EXOC4: variants seen among roughly 807,000 people sequenced by gnomAD.
EXOC4 encodes the protein SEC8-like 1.
Under a neutral mutation model 107.2 loss-of-function variants are expected in EXOC4, and 71 were observed. The observed-to-expected ratio is 0.66, with a 90% CI of 0.55 to 0.81. The LOEUF (loss-of-function observed/expected upper bound fraction) is 0.81. EXOC4 is among the 30% of genes least tolerant of loss of function. The pLI, the probability that EXOC4 is intolerant of heterozygous loss-of-function variation, is 0.00. For synonymous variants in EXOC4, 456 were observed against 441.2 expected, an observed-to-expected ratio of 1.03 and a Z score of -0.42; for missense variants, 1,108 against 1,189.6, an observed-to-expected ratio of 0.93 and a Z score of 1.01.
At chr7:133,517,270 G>A (rs1799894958) in intron 9 of EXOC4, among the ~76,000 whole-genome samples, 1 of 152,156 alleles carries the variant, frequency 6.6e-6, no homozygotes, top group Non-Finnish European at 1.5e-5. Flanking sequence ...AATAAAGGAA[G>A]TGTGCAGGGA....
chr7:134,063,071 A>G (rs1460277674), intron 17 of EXOC4, among the ~76,000 whole-genome samples: 2 of 152,188 alleles, frequency 1.3e-5, no homozygotes, highest in Non-Finnish European at 2.9e-5. Context: ...GGAAGAAGGA[A>G]GTCCTTTATT....
At chr7:133,878,935 G>A (rs996428751) in intron 11 of EXOC4, among the ~76,000 whole-genome samples, 2 of 152,040 alleles carry the variant, frequency 1.3e-5, no homozygotes, top group African/African-American at 4.8e-5. Context: ...ATGTTGGCCA[G>A]GCTGGTCTCA....
intron 5 of EXOC4, among the ~76,000 whole-genome samples, chr7:133,326,584 G>T (rs2150596300): frequency 6.6e-6 from 1 of 152,284 alleles, no homozygotes; most frequent in East Asian, 1.9e-4. Flanking sequence ...GTCTCAGAGG[G>T]GCAGCCGGCT....
chr7:133,910,281 T>C (rs906640120), intron 12 of EXOC4, among the ~76,000 whole-genome samples: 4 of 152,208 alleles, frequency 2.6e-5, no homozygotes, highest in Admixed American at 2.6e-4. Flanking sequence ...ATTTTTTTCT[T>C]CTTGATCTTT....
chr7:133,712,544 G>A (rs921804695), intron 10 of EXOC4, among the ~76,000 whole-genome samples: 7 of 149,952 alleles, frequency 4.7e-5, no homozygotes, highest in Non-Finnish European at 7.4e-5. Flanking sequence ...AGGTTTGGCC[G>A]TGCCTCAAAA....
chr7:134,073,205 C>CAAAAAAAAAAA, the EXOC4 span, among the ~76,000 whole-genome samples: 66 of 22,588 alleles, frequency 2.9e-3, 7 homozygotes, highest in Admixed American at 7.0e-3. Context: ...GACTTCCTCT[C>CAAAAAAAAAAA]AAAAAAAAAA....
rs532692119 is a variant in EXOC4 at position 133,594,493 on chromosome 7, C to CTTTTTTTTTTTTTTTTTT, written c.1418-35549_1418-35532dup. On this transcript the variant is annotated intron_variant, in intron 9 of 17. Coordinates refer to ENST00000253861, the MANE Select transcript of EXOC4 (RefSeq NM_021807.4). ...AGACAAGAAATACATAAGCTTGAGTCTTTTTTTTTTTTTTTTTTTTGAGAC... is the reference window on the plus strand; with the variant it reads ...AGACAAGAAATACATAAGCTTGAGTCTTTTTTTTTTTTTTTTTTTTTTTTTTTTTTTTTTTTTTGAGAC... 4.4e-4 allele frequency among the ~76,000 whole-genome samples: 40 copies of CTTTTTTTTTTTTTTTTTT among 90,362 alleles called. 5 individuals are homozygous for CTTTTTTTTTTTTTTTTTT. The highest frequency in any genetic ancestry group is 6.3e-4 in the African/African-American group (14 of 22,058). 59.3% of individuals were successfully genotyped at this position (90,362 alleles called of 152,430 possible).
At chr7:133,462,940 ATTT>A (rs1798629915) in intron 7 of EXOC4, among the ~76,000 whole-genome samples, 1 of 152,162 alleles carries the variant, frequency 6.6e-6, no homozygotes, top group Non-Finnish European at 1.5e-5. Flanking sequence ...ATAGAGGTTT[ATTT>A]ATTTTGAAGG....
intron 14 of EXOC4, among the ~76,000 whole-genome samples, chr7:133,973,662 C>A (rs773881699): frequency 4.6e-5 from 7 of 152,146 alleles, no homozygotes; most frequent in Non-Finnish European, 1.0e-4. Context: ...GGAATTATTT[C>A]TCCAGTAAGA....
intron 10 of EXOC4, among the ~76,000 whole-genome samples, chr7:133,655,508 T>C (rs1253004986): frequency 6.6e-6 from 1 of 152,186 alleles, no homozygotes; most frequent in African/African-American, 2.4e-5. Flanking sequence ...GGTACAAAAA[T>C]ATTTTCTTTT....
chr7:133,429,518 A>G (rs543263088), intron 7 of EXOC4, among the ~76,000 whole-genome samples: 3 of 152,336 alleles, frequency 2.0e-5, no homozygotes, highest in Non-Finnish European at 4.4e-5. Context: ...GGGTTTTGCA[A>G]CTATCACCAC....
chr7:133,910,206 A>G (rs1799660426), intron 12 of EXOC4, among the ~76,000 whole-genome samples: 2 of 152,182 alleles, frequency 1.3e-5, no homozygotes, highest in East Asian at 3.9e-4. Flanking sequence ...ACAGGCGTCA[A>G]CCACTGCGTC....
At chr7:133,718,693 T>C (rs940931272) in intron 10 of EXOC4, among the ~76,000 whole-genome samples, 8 of 152,190 alleles carry the variant, frequency 5.3e-5, no homozygotes, top group Non-Finnish European at 1.2e-4. Context: ...GGGATAGTAA[T>C]AGTTCATTTT....
chr7:133,375,208 G>T (rs867225928), intron 7 of EXOC4, among the ~76,000 whole-genome samples: 1 of 152,218 alleles, frequency 6.6e-6, no homozygotes, highest in East Asian at 1.9e-4. Context: ...GTGTGCAGTG[G>T]CTCATTCCTG....
chr7:133,495,240 G>A (rs760778248), intron 9 of EXOC4, among the ~76,000 whole-genome samples: 81 of 151,546 alleles, frequency 5.3e-4, no homozygotes, highest in Admixed American at 5.3e-4. Context: ...TGACAAGAGC[G>A]AAACTGTCTC....
At chr7:133,818,588 T>C (rs546639845) in intron 11 of EXOC4, among the ~76,000 whole-genome samples, 1 of 152,278 alleles carries the variant, frequency 6.6e-6, no homozygotes, top group East Asian at 1.9e-4. Flanking sequence ...ATTTGGATGG[T>C]CTGGGTCTCT....
intron 10 of EXOC4, among the ~76,000 whole-genome samples, chr7:133,782,125 TTTG>T (rs1796480907): frequency 6.6e-6 from 1 of 152,152 alleles, no homozygotes; most frequent in African/African-American, 2.4e-5. Context: ...CTTTGAAGCT[TTTG>T]TTAAGACCAT....
At chr7:133,932,422 A>G (rs1397708357) in intron 13 of EXOC4, among the ~76,000 whole-genome samples, 2 of 152,202 alleles carry the variant, frequency 1.3e-5, no homozygotes, top group Admixed American at 6.5e-5. Flanking sequence ...CCTGAGCTTA[A>G]TTAACTCTTT....
At chr7:134,032,275 T>C in intron 17 of EXOC4, among the ~76,000 whole-genome samples, 1 of 152,184 alleles carries the variant, frequency 6.6e-6, no homozygotes, top group East Asian at 1.9e-4. Context: ...TTGCCCTAAG[T>C]CTGTCAACAG....
Sources: gnomAD v4.1 joint callset for allele counts (sites outside exome capture counted in the v4.1 genomes callset) on GRCh38, gnomAD v4.1.1 for gene constraint, MANE v1.5 for transcripts, NCBI Gene and HGNC (gene_info 2026-07-23, HGNC 2026-07-21) for gene names.